TMEM178B: variants seen among roughly 807,000 people sequenced by gnomAD.
TMEM178B encodes the protein transmembrane protein 178B.
Under a neutral mutation model 31.0 loss-of-function variants are expected in TMEM178B, and 5 were observed. That is an observed-to-expected ratio of 0.16 (90% CI 0.08 to 0.34). The LOEUF is 0.34. Among genes scored for constraint, TMEM178B ranks in the 10% least tolerant of loss-of-function variants. The probability of loss-of-function intolerance (pLI) is 1.00; values close to 1 mark genes in which losing one functional copy is unlikely to be tolerated. For synonymous variants in TMEM178B, 164 were observed against 164.0 expected (o/e 1.00, Z 0.00); for missense variants, 275 against 400.3 (o/e 0.69, Z 2.67).
intron 2 of TMEM178B, among the ~76,000 whole-genome samples, chr7:141,296,448 A>G (rs1798636519): frequency 6.6e-6 from 1 of 152,076 alleles, no homozygotes; most frequent in Non-Finnish European, 1.5e-5. Context: ...ATTTCTTATG[A>G]GTCTATGGCA....
At chr7:141,122,631 G>A (rs12670630) in intron 1 of TMEM178B, among the ~76,000 whole-genome samples, 3,440 of 152,228 alleles carry the variant, frequency 0.023, 206 homozygotes, top group East Asian at 0.14. Context: ...GGAGACTGTG[G>A]GCCTAACTTT....
At chr7:141,223,608 T>G (rs1001851871) in intron 2 of TMEM178B, among the ~76,000 whole-genome samples, 1 of 151,914 alleles carries the variant, frequency 6.6e-6, no homozygotes, top group East Asian at 1.9e-4. Flanking sequence ...GAATTCAGCC[T>G]TCCACGTGCT....
intron 1 of TMEM178B, among the ~76,000 whole-genome samples, chr7:141,167,400 A>G (rs1796278982): frequency 6.6e-6 from 1 of 152,246 alleles, no homozygotes; most frequent in African/African-American, 2.4e-5. Context: ...CTCAGTAGCA[A>G]GTTGGCATGA....
intron 2 of TMEM178B, among the ~76,000 whole-genome samples, chr7:141,345,277 T>A (rs1057295753): frequency 2.0e-5 from 3 of 152,120 alleles, no homozygotes; most frequent in Non-Finnish European, 4.4e-5. Flanking sequence ...CCCCAAAACT[T>A]ACAAATAAAG....
At chr7:141,301,286 C>T (rs762715138) in intron 2 of TMEM178B, among the ~76,000 whole-genome samples, 4 of 152,212 alleles carry the variant, frequency 2.6e-5, no homozygotes, top group African/African-American at 7.2e-5. Flanking sequence ...TGGCTAATTA[C>T]GTGAAATTTC....
At position 141,074,150 on chromosome 7, in the gene TMEM178B, C is replaced by T; in HGVS notation, c.-161C>T. On this transcript the variant is annotated 5_prime_UTR_variant, in exon 1 of 4. Transcript: ENST00000565468. The surrounding 1 kb of genome is among the most constrained non-coding windows in gnomAD (Gnocchi z 5.1). ...CGCCCGCCCCCATCCCCGCAGTCCC[C>T]GGGCCGTGCTCCGGTAGGCGGGGGC... 2 of 1,097,814 alleles carry T rather than the reference C, an allele frequency of 1.8e-6. No individual in the cohort carries two copies. The highest frequency in any genetic ancestry group is 2.9e-5 in the East Asian group (1 of 34,650). 68.0% of individuals were successfully genotyped at this position (1,097,814 alleles called of 1,614,324 possible).
intron 2 of TMEM178B, among the ~76,000 whole-genome samples, chr7:141,427,538 G>A (rs920141799): frequency 4.6e-5 from 7 of 152,132 alleles, no homozygotes; most frequent in African/African-American, 7.2e-5. Flanking sequence ...ATCTCTCACC[G>A]TATTCAAAAA....
chr7:141,490,068 G>A, the TMEM178B span, among the ~76,000 whole-genome samples: 1 of 152,264 alleles, frequency 6.6e-6, no homozygotes, highest in South Asian at 2.1e-4. Context: ...TTGACTTAGT[G>A]AGGAGGGGCT....
At position 141,150,836 on chromosome 7, in the gene TMEM178B, C is replaced by T. The variant is rs950524630; in HGVS notation, c.383-61755C>T. 2.0e-5 allele frequency among the ~76,000 whole-genome samples: 3 copies of T among 152,158 alleles called. No individual in the cohort carries two copies. The East Asian group carries it at 5.8e-4, about 29-fold the overall frequency. The stretch of plus-strand genomic sequence containing the variant: ...CACATACTTTTGGGGTGGTTGATTA[C>T]ACAAAGGGATACACTTGGTGTAGAC... On this transcript the variant is annotated intron_variant, in intron 1 of 3. Transcript: ENST00000565468.
chr7:141,243,291 G>T (rs1389038689), intron 2 of TMEM178B, among the ~76,000 whole-genome samples: 1 of 151,986 alleles, frequency 6.6e-6, no homozygotes, highest in Non-Finnish European at 1.5e-5. Context: ...GTGGATTTTT[G>T]TTCTTTTGTT....
chr7:141,496,454 A>G, the TMEM178B span, among the ~76,000 whole-genome samples: 1 of 152,044 alleles, frequency 6.6e-6, no homozygotes, highest in Non-Finnish European at 1.5e-5. Flanking sequence ...GCGGATCACG[A>G]GGTCAGGAGA....
intron 2 of TMEM178B, among the ~76,000 whole-genome samples, chr7:141,297,443 G>A (rs182623377): frequency 6.6e-6 from 1 of 152,084 alleles, no homozygotes; most frequent in African/African-American, 2.4e-5. Flanking sequence ...TGCAATGTTG[G>A]TGTGCTGCAC....
intron 2 of TMEM178B, among the ~76,000 whole-genome samples, chr7:141,375,398 C>T (rs759380380): frequency 4.6e-5 from 7 of 152,082 alleles, no homozygotes; most frequent in Non-Finnish European, 8.8e-5. Flanking sequence ...ACTGCACCTG[C>T]GTAGAGATTG....
chr7:141,374,440 C>T (rs1166445315), intron 2 of TMEM178B, among the ~76,000 whole-genome samples: 1 of 152,188 alleles, frequency 6.6e-6, no homozygotes, highest in African/African-American at 2.4e-5. Flanking sequence ...ATACAACCTT[C>T]TCCCACCTCT....
At chr7:141,451,878 G>C (rs536149933) in intron 3 of TMEM178B, among the ~76,000 whole-genome samples, 1 of 152,012 alleles carries the variant, frequency 6.6e-6, no homozygotes, top group African/African-American at 2.4e-5. Flanking sequence ...GCCCTGTCTC[G>C]GAAGCTGGCT....
intron 2 of TMEM178B, among the ~76,000 whole-genome samples, chr7:141,278,205 C>T (rs140422347): frequency 5.9e-5 from 9 of 152,322 alleles, no homozygotes; most frequent in Admixed American, 3.9e-4. Context: ...AGGCTTTGTT[C>T]CCAGGGAAAG....
chr7:141,157,431 ACACACACACACG>A (rs988647965), intron 1 of TMEM178B, among the ~76,000 whole-genome samples: 20 of 151,816 alleles, frequency 1.3e-4, no homozygotes, highest in Middle Eastern at 3.4e-3. Flanking sequence ...GCGCGTGCAC[ACACACACACACG>A]CACACACACA....
At chr7:141,440,715 C>T (rs1563183313) in intron 3 of TMEM178B, among the ~76,000 whole-genome samples, 1 of 152,148 alleles carries the variant, frequency 6.6e-6, no homozygotes, top group Admixed American at 6.5e-5. Flanking sequence ...CTGTAAGATA[C>T]AGTGTTAGCA....
At chr7:141,326,708 T>A (rs1489744060) in intron 2 of TMEM178B, among the ~76,000 whole-genome samples, 23 of 152,212 alleles carry the variant, frequency 1.5e-4, no homozygotes, top group Admixed American at 1.5e-3. Context: ...TGAGTAGTTA[T>A]GACAGAGATG....
Sources: gnomAD v4.1 joint callset for allele counts (sites outside exome capture counted in the v4.1 genomes callset) on GRCh38, gnomAD v4.1.1 for gene constraint, Gnocchi (gnomAD v3.1) non-coding constraint, MANE v1.5 for transcripts, NCBI Gene and HGNC (gene_info 2026-07-23, HGNC 2026-07-21) for gene names.